ST3GAL1: variants seen among roughly 807,000 people sequenced by gnomAD.
ST3GAL1 encodes the protein CMP-N-acetylneuraminate-beta-galactosamide-alpha-2,3-sialyltransferase 1.
A neutral mutation model predicts 34.1 loss-of-function variants in ST3GAL1; 16 were observed. The ratio of observed to expected loss-of-function variants is 0.47; its 90% CI spans 0.32 to 0.71. ST3GAL1 has a LOEUF of 0.71. Among genes scored for constraint, ST3GAL1 ranks in the 30% least tolerant of loss-of-function variants. The probability of loss-of-function intolerance (pLI) is 0.04; values close to 1 mark genes in which losing one functional copy is unlikely to be tolerated. For synonymous variants in ST3GAL1, 191 were observed against 184.7 expected (o/e 1.03, Z -0.28); for missense variants, 353 against 447.4 (o/e 0.79, Z 1.90).
chr8:133,460,392 C>A (rs543841291), intron 9 of ST3GAL1, among the ~76,000 whole-genome samples: 1 of 152,322 alleles, frequency 6.6e-6, no homozygotes, highest in African/African-American at 2.4e-5. Context: ...CTTCTTTGAG[C>A]CTCACTTTCC....
rs1016672254 is a variant in ST3GAL1, at chr8:133,523,167, C to A, written c.-429+22607G>T. ...TTCTGCCCTGCTGAGAGGGGAGTTG[C>A]GTGGCTTCTGGGAGCAGGGGAAGTG... is the stretch of plus-strand genomic sequence containing the variant. On this transcript the variant is annotated intron_variant, in intron 2 of 9. Transcript: ENST00000522652. 2.6e-5 allele frequency among the ~76,000 whole-genome samples: 4 copies of A among 152,286 alleles called. 1 individual carries two copies. Among genetic ancestry groups the A allele is most frequent in the African/African-American group, 9.6e-5 (4 of 41,564 alleles).
At chr8:133,565,715 CT>C (rs1563745860) in intron 1 of ST3GAL1, among the ~76,000 whole-genome samples, 1 of 152,186 alleles carries the variant, frequency 6.6e-6, no homozygotes, top group Non-Finnish European at 1.5e-5. Context: ...TTGTGGGGTC[CT>C]CCTAACTCTC....
At chr8:133,523,700 G>A (rs1817877779) in intron 2 of ST3GAL1, among the ~76,000 whole-genome samples, 1 of 152,194 alleles carries the variant, frequency 6.6e-6, no homozygotes, top group African/African-American at 2.4e-5. Context: ...ATGACCAATT[G>A]ACAAATGTCT....
intron 1 of ST3GAL1, among the ~76,000 whole-genome samples, chr8:133,550,884 GAGTGTA>G (rs1818818372): frequency 6.6e-6 from 1 of 152,150 alleles, no homozygotes; most frequent in Non-Finnish European, 1.5e-5. Context: ...TCTCATAAGA[GAGTGTA>G]TTCTCCAATT....
chr8:133,541,891 C>T (rs923182762), intron 2 of ST3GAL1, among the ~76,000 whole-genome samples: 8 of 151,992 alleles, frequency 5.3e-5, no homozygotes, highest in Middle Eastern at 3.2e-3. Context: ...CAGTTGGTGG[C>T]GGCGTTGATA....
intron 2 of ST3GAL1, among the ~76,000 whole-genome samples, chr8:133,516,664 A>G (rs1817657210): frequency 6.6e-6 from 1 of 152,216 alleles, no homozygotes; most frequent in Non-Finnish European, 1.5e-5. Context: ...AGAGTCTCAC[A>G]ATAGCTCTGT....
rs936188829 is a variant in ST3GAL1 at position 133,465,838 on chromosome 8, C to T, written c.503+56G>A. On this transcript the variant is annotated intron_variant, in intron 6 of 9. Transcript: ENST00000522652. ...GCCTGAGCCAAGATGCTTCCTACAG[C>T]TCCAAGGGGCCCCTGGGTGCAGCAC... 4.5e-6 allele frequency: 7 copies of T among 1,564,694 alleles called. No individual in the cohort carries two copies. In the African/African-American group the frequency reaches 8.1e-5, roughly 18 times the overall value.
chr8:133,503,799 A>G (rs78607978), intron 2 of ST3GAL1, among the ~76,000 whole-genome samples: 3 of 152,204 alleles, frequency 2.0e-5, no homozygotes, highest in East Asian at 3.9e-4. Flanking sequence ...GGAGAAAAAA[A>G]CATGCACTGC....
In ST3GAL1 at chr8:133,546,418, GGTTA is replaced by G. The variant is rs2131076217; in HGVS notation, c.-581-496_-581-493del. 2.0e-5 allele frequency among the ~76,000 whole-genome samples: 3 copies of G among 149,752 alleles called. No homozygotes were observed. The South Asian group carries it at 6.3e-4, about 32-fold the overall frequency. Reference sequence around the variant, plus strand: ...GAATTGCTTGAACCTGGGAGGTGAAGGTTACAGTGAGCCCAGATCGTGCCACTGC... The same window carrying G: ...GAATTGCTTGAACCTGGGAGGTGAAGCAGTGAGCCCAGATCGTGCCACTGC... On this transcript the variant is annotated intron_variant, in intron 1 of 9. Transcript: ENST00000522652.
At chr8:133,548,467 C>A (rs1481804239) in intron 1 of ST3GAL1, among the ~76,000 whole-genome samples, 1 of 152,238 alleles carries the variant, frequency 6.6e-6, no homozygotes, top group Non-Finnish European at 1.5e-5. Context: ...TTACCGCCAA[C>A]ACGTTAACTC....
At position 133,551,618 on chromosome 8, in the gene ST3GAL1, G is replaced by GAAAGAA. The variant is rs1481293927; in HGVS notation, c.-581-5693_-581-5692insTTCTTT. 1.0e-4 allele frequency among the ~76,000 whole-genome samples: 15 copies of GAAAGAA among 144,380 alleles called. No individual in the cohort carries two copies. The East Asian group carries it at 1.2e-3, about 12-fold the overall frequency. 94.7% of individuals were successfully genotyped at this position (144,380 alleles called of 152,430 possible). A position where few individuals can be genotyped will look rare whatever the true frequency, so the allele number is the denominator to read the frequency against. ...AGAAAGAAAGAAAGAAAGAAAGAAA[G>GAAAGAA]AGCGAGCAAGCCTTTCTCTGAGTTT... On this transcript the variant is annotated intron_variant, in intron 1 of 9. Coordinates refer to ENST00000522652, the MANE Select transcript of ST3GAL1 (RefSeq NM_173344.3).
Position 133,556,334 on chromosome 8 carries a change from A to G in ST3GAL1, c.-581-10408T>C, listed in dbSNP as rs1490685307. On this transcript the variant is annotated intron_variant, in intron 1 of 9. Transcript: ENST00000522652. The surrounding 1 kb of genome is among the most constrained non-coding windows in gnomAD (Gnocchi z 8.9). The stretch of plus-strand genomic sequence containing the variant: ...CCACTGATCAACAGCAGGCCTGGTG[A>G]CTCCAGAGCCTGTCTTCTCCCCCTG... 2.0e-5 allele frequency among the ~76,000 whole-genome samples: 3 copies of G among 151,988 alleles called. No homozygotes were observed. The highest frequency in any genetic ancestry group is 4.4e-5 in the Non-Finnish European group (3 of 67,998).
rs1219319387 is a variant in ST3GAL1 at position 133,456,319 on chromosome 8, C to T, written c.*3445G>A. On this transcript the variant is annotated 3_prime_UTR_variant, in exon 10 of 10. Coordinates refer to ENST00000522652, the MANE Select transcript of ST3GAL1 (RefSeq NM_173344.3). ...CAGGGGGTTGGGATGTTGCTGACAC[C>T]TCATGGGCCACCTCATCAGCCCATC... 1 of 152,252 alleles carries T rather than the reference C, an allele frequency of 6.6e-6. No homozygotes were observed. The highest frequency in any genetic ancestry group is 2.4e-5 in the African/African-American group (1 of 41,444). The allele number at this position is 152,252 out of a possible 1,614,324, so 9.4% of individuals were successfully genotyped here.
rs200171263 is a variant in ST3GAL1, at chr8:133,558,254, A to G, written c.-581-12328T>C. Among the ~76,000 whole-genome samples the G allele has an allele frequency of 1.2e-4, 19 of 152,338 alleles. No individual in the cohort carries two copies. In the East Asian group the frequency reaches 3.7e-3, roughly 29 times the overall value. Reference sequence around the variant, plus strand: ...GTAATTGATGATGATGTGTTGCCACAGCATATCTTTAACAAGGACTCTTCT... The same window carrying G: ...GTAATTGATGATGATGTGTTGCCACGGCATATCTTTAACAAGGACTCTTCT... On this transcript the variant is annotated intron_variant, in intron 1 of 9. Coordinates refer to ENST00000522652, the MANE Select transcript of ST3GAL1 (RefSeq NM_173344.3).
At chr8:133,473,598 G>A (rs1216925776) in intron 5 of ST3GAL1, among the ~76,000 whole-genome samples, 2 of 152,208 alleles carry the variant, frequency 1.3e-5, no homozygotes, top group African/African-American at 4.8e-5. Flanking sequence ...GAGGAGATGG[G>A]ATGTGTGTGA....
intron 2 of ST3GAL1, among the ~76,000 whole-genome samples, chr8:133,503,049 T>G (rs1817232407): frequency 1.3e-5 from 2 of 152,204 alleles, no homozygotes; most frequent in Non-Finnish European, 1.5e-5. Flanking sequence ...AGCGACTACC[T>G]TCACCCTGGA....
intron 1 of ST3GAL1, among the ~76,000 whole-genome samples, chr8:133,560,700 C>T (rs1024526368): frequency 2.0e-5 from 3 of 152,210 alleles, no homozygotes; most frequent in Non-Finnish European, 4.4e-5. Flanking sequence ...AGAGTCCCCA[C>T]TTAGCCAGGG....
At chr8:133,471,092 T>C (rs1019466188) in intron 5 of ST3GAL1, among the ~76,000 whole-genome samples, 11 of 152,100 alleles carry the variant, frequency 7.2e-5, no homozygotes, top group African/African-American at 2.7e-4. Flanking sequence ...AATATCAGTC[T>C]CTGGCCTTCC....
At chr8:133,513,907 A>T (rs990978768) in intron 2 of ST3GAL1, among the ~76,000 whole-genome samples, 2 of 152,024 alleles carry the variant, frequency 1.3e-5, no homozygotes, top group African/African-American at 4.8e-5. Context: ...TGGAAAAAAA[A>T]AAAAAGAAAA....
Sources: gnomAD v4.1 joint callset for allele counts (sites outside exome capture counted in the v4.1 genomes callset) on GRCh38, gnomAD v4.1.1 for gene constraint, Gnocchi (gnomAD v3.1) non-coding constraint, MANE v1.5 for transcripts, NCBI Gene and HGNC (gene_info 2026-07-23, HGNC 2026-07-21) for gene names.